The following TNS1 variants were observed in gnomAD, a reference collection of about 807,000 sequenced individuals.
The protein encoded by TNS1 is tensin-1.
A neutral mutation model predicts 168.6 loss-of-function variants in TNS1; 62 were observed. That is an observed-to-expected ratio of 0.37 (90% CI 0.30 to 0.45). The LOEUF (loss-of-function observed/expected upper bound fraction) is 0.45, where lower values mean the gene tolerates loss of function less well. Ranked by LOEUF, TNS1 falls within the 20% of genes least tolerant of loss-of-function variation. The pLI is 1.00. For synonymous variants in TNS1, 934 were observed against 933.2 expected (o/e 1.00, Z -0.02); for missense variants, 2,240 against 2,339.4 (o/e 0.96, Z 0.88).
At chr2:218,030,338 C>T (rs1958881546) in intron 1 of TNS1, among the ~76,000 whole-genome samples, 1 of 152,238 alleles carries the variant, frequency 6.6e-6, no homozygotes, top group African/African-American at 2.4e-5. Flanking sequence ...ACTTCCTTCA[C>T]CTTCCCGGTG....
chr2:217,833,196 G>A (rs1002353297), intron 21 of TNS1, among the ~76,000 whole-genome samples: 1 of 152,212 alleles, frequency 6.6e-6, no homozygotes, highest in African/African-American at 2.4e-5. Flanking sequence ...GGCGCAGGTG[G>A]GCCCGTGAGG....
Position 217,936,884 on chromosome 2 carries a change from A to G in TNS1, c.187-16648T>C, listed in dbSNP as rs951052221. ...CCACGCTAGCACTACAAGGTTGGAAATATGAATCCTATTTTACAGATGCAG... is the reference window on the plus strand; with the variant it reads ...CCACGCTAGCACTACAAGGTTGGAAGTATGAATCCTATTTTACAGATGCAG... On this transcript the variant is annotated intron_variant, in intron 3 of 32. Transcript: ENST00000682258. 26 of 453,618 alleles carry G rather than the reference A, an allele frequency of 5.7e-5. No individual in the cohort carries two copies. In the East Asian group the frequency reaches 1.8e-3, roughly 32 times the overall value. 28.1% of individuals were successfully genotyped at this position (453,618 alleles called of 1,614,324 possible). A position where few individuals can be genotyped will look rare whatever the true frequency, so the allele number is the denominator to read the frequency against.
chr2:218,006,961 G>GT (rs2105992563), upstream of TNS1, among the ~76,000 whole-genome samples: 1 of 152,138 alleles, frequency 6.6e-6, no homozygotes, highest in African/African-American at 2.4e-5. Flanking sequence ...CTCATCAGAG[G>GT]TCACAGAGCC....
intron 3 of TNS1, among the ~76,000 whole-genome samples, chr2:217,950,479 C>T (rs1420677190): frequency 5.9e-5 from 9 of 152,078 alleles, no homozygotes; most frequent in African/African-American, 1.9e-4. Flanking sequence ...GCTGGCCACA[C>T]CCCGAGAGCT....
At chr2:217,939,026 C>T (rs1956777155) in intron 3 of TNS1, among the ~76,000 whole-genome samples, 1 of 152,130 alleles carries the variant, frequency 6.6e-6, no homozygotes, top group African/African-American at 2.4e-5. Flanking sequence ...AGAGAGAGAA[C>T]TCCATCACCA....
At position 217,813,559 on chromosome 2, in the gene TNS1, C is replaced by A. The variant is rs1574580357; in HGVS notation, c.4861+126G>T. 2.9e-6 allele frequency: 4 copies of A among 1,391,728 alleles called. No homozygotes were observed. The highest frequency in any genetic ancestry group is 4.6e-5 in the East Asian group (2 of 43,180). 86.2% of individuals were successfully genotyped at this position (1,391,728 alleles called of 1,614,324 possible). On this transcript the variant is annotated intron_variant, in intron 26 of 32. Transcript: ENST00000682258. The surrounding 1 kb of genome is among the most constrained non-coding windows in gnomAD (Gnocchi z 4.0). ...CTCAACCATCACCAAGCCCAAGACA[C>A]CCTCTTCCGAAGAGCCTGATGGGAG...
At chr2:218,024,502 A>G (rs1238643986) in intron 1 of TNS1, among the ~76,000 whole-genome samples, 2 of 152,100 alleles carry the variant, frequency 1.3e-5, no homozygotes, top group East Asian at 3.9e-4. Context: ...TGATGGGGGC[A>G]GTGGAGGCAG....
intron 23 of TNS1, among the ~76,000 whole-genome samples, 173 bp downstream of exon 23, chr2:217,821,567 G>T (rs1041191231): frequency 2.0e-5 from 3 of 152,182 alleles, no homozygotes; most frequent in Admixed American, 2.0e-4. Flanking sequence ...GATTCAGCGC[G>T]CAGGACATGT....
At chr2:217,842,384 A>G (rs1420049307) in intron 19 of TNS1, among the ~76,000 whole-genome samples, 1 of 152,058 alleles carries the variant, frequency 6.6e-6, no homozygotes, top group South Asian at 2.1e-4. Flanking sequence ...ATTGTTACCC[A>G]TCTCAATAAA....
At chr2:218,026,098 T>C (rs1958847907) in intron 1 of TNS1, among the ~76,000 whole-genome samples, 1 of 152,192 alleles carries the variant, frequency 6.6e-6, no homozygotes, top group Admixed American at 6.5e-5. Context: ...CTAAATCCCT[T>C]AGATAATGAC....
intron 8 of TNS1, among the ~76,000 whole-genome samples, chr2:217,896,162 T>C (rs1952272264): frequency 1.3e-5 from 2 of 152,106 alleles, no homozygotes; most frequent in African/African-American, 4.8e-5. Context: ...ACAGCTAAGA[T>C]CATGTAGTTA....
intron 19 of TNS1, chr2:217,842,197 G>A: frequency 1.4e-6 from 1 of 696,434 alleles, no homozygotes; most frequent in Non-Finnish European, 2.6e-6. Context: ...ACATTGCCCA[G>A]TGCTATGCTT....
intron 1 of TNS1, among the ~76,000 whole-genome samples, chr2:218,016,703 A>G (rs1177669472): frequency 1.3e-5 from 2 of 152,178 alleles, no homozygotes; most frequent in Non-Finnish European, 2.9e-5. Context: ...GAGGAAGGGA[A>G]TGGACCCCCC....
intron 18 of TNS1, among the ~76,000 whole-genome samples, chr2:217,865,535 C>T (rs1483851633): frequency 6.6e-6 from 1 of 152,226 alleles, no homozygotes; most frequent in African/African-American, 2.4e-5. Flanking sequence ...AGGAGAAGAA[C>T]ACACATCAAA....
At chr2:217,964,933 G>A (rs1957586998) in intron 3 of TNS1, among the ~76,000 whole-genome samples, 1 of 152,194 alleles carries the variant, frequency 6.6e-6, no homozygotes, top group Non-Finnish European at 1.5e-5. Flanking sequence ...AAGGGGCATT[G>A]GCCAAGTCAC....
chr2:217,852,733 A>G (rs1236377835), intron 18 of TNS1, among the ~76,000 whole-genome samples: 2 of 152,228 alleles, frequency 1.3e-5, no homozygotes, highest in East Asian at 3.8e-4. Context: ...TCTATCCCCA[A>G]GTGGGCTCCT....
chr2:217,899,932 C>A (rs1952761705), intron 7 of TNS1, among the ~76,000 whole-genome samples: 1 of 152,212 alleles, frequency 6.6e-6, no homozygotes, highest in East Asian at 1.9e-4. Context: ...GAGGGCAAAA[C>A]AAACTCTCTG....
intron 1 of TNS1, among the ~76,000 whole-genome samples, chr2:218,025,660 C>A (rs1319931243): frequency 1.3e-5 from 2 of 151,886 alleles, no homozygotes; most frequent in African/African-American, 4.8e-5. Context: ...CAGATCCCTG[C>A]CTGGGAGACA....
intron 18 of TNS1, among the ~76,000 whole-genome samples, chr2:217,854,585 G>A (rs1007277059): frequency 3.9e-5 from 6 of 152,210 alleles, no homozygotes; most frequent in African/African-American, 1.4e-4. Flanking sequence ...GCTGTTTGGA[G>A]GCAGACTGGG....
Sources: gnomAD v4.1 joint callset for allele counts (sites outside exome capture counted in the v4.1 genomes callset) on GRCh38, gnomAD v4.1.1 for gene constraint, Gnocchi (gnomAD v3.1) non-coding constraint, MANE v1.5 for transcripts, NCBI Gene and HGNC (gene_info 2026-07-23, HGNC 2026-07-21) for gene names.